The following SMAP2 variants were observed in gnomAD, a reference collection of about 807,000 sequenced individuals.
SMAP2 encodes stromal membrane-associated protein 2.
In SMAP2, 25 loss-of-function variants were observed where a neutral mutation model predicts 56.4. The ratio of observed to expected loss-of-function variants is 0.44; its 90% CI spans 0.32 to 0.62. SMAP2 has a LOEUF of 0.62. SMAP2 is among the 20% of genes least tolerant of loss of function. The pLI is 0.04. For missense variants in SMAP2, 388 were observed against 545.6 expected (o/e 0.71, Z 2.88); for synonymous variants, 157 against 181.7 (o/e 0.86, Z 1.09).
At chr1:40,359,059 G>A (rs1025621876) in intron 1 of SMAP2, among the ~76,000 whole-genome samples, 1 of 151,938 alleles carries the variant, frequency 6.6e-6, no homozygotes, top group African/African-American at 2.4e-5. Context: ...TCATTGACAT[G>A]GAATATCTTT....
intron 1 of SMAP2, among the ~76,000 whole-genome samples, chr1:40,356,421 T>C (rs1220985460): frequency 4.0e-5 from 6 of 150,952 alleles, no homozygotes; most frequent in Admixed American, 4.0e-4. Flanking sequence ...TTTTGTTTTT[T>C]TTTTTTTGAG....
At chr1:40,388,220 A>G (rs113264016) in intron 1 of SMAP2, among the ~76,000 whole-genome samples, 3,697 of 152,228 alleles carry the variant, frequency 0.024, 60 homozygotes, top group African/African-American at 0.044. Flanking sequence ...CAACCACCCA[A>G]GGGCTGAGGT....
Position 40,407,936 on chromosome 1 carries a change from C to T in SMAP2, c.238-717C>T, listed in dbSNP as rs796542348. On this transcript the variant is annotated intron_variant, in intron 2 of 9. Coordinates refer to ENST00000372718, the MANE Select transcript of SMAP2 (RefSeq NM_022733.3). ...ATATAGCTTCATTATTTTTTATTCT[C>T]TTCCTACATTGAAACGCTTTAATTT... is the stretch of plus-strand genomic sequence containing the variant. Among the ~76,000 whole-genome samples, 32 of 152,232 alleles carry T rather than the reference C, an allele frequency of 2.1e-4. 3 individuals carry two copies. In the South Asian group the frequency reaches 6.2e-3, roughly 30 times the overall value.
intron 1 of SMAP2, among the ~76,000 whole-genome samples, chr1:40,400,649 TGAA>T (rs151157630): frequency 0.016 from 2,423 of 152,186 alleles, 29 homozygotes; most frequent in East Asian, 0.039. Flanking sequence ...TTGACTAAGA[TGAA>T]GAAAAAAGGA....
chr1:40,411,715 ACTATT>A (rs1644937424), intron 4 of SMAP2, among the ~76,000 whole-genome samples: 1 of 152,234 alleles, frequency 6.6e-6, no homozygotes. Context: ...TTTGTTAAAA[ACTATT>A]CTTTTTATAA....
intron 1 of SMAP2, among the ~76,000 whole-genome samples, chr1:40,397,999 A>G (rs571458067): frequency 6.6e-6 from 1 of 152,230 alleles, no homozygotes; most frequent in South Asian, 2.1e-4. Context: ...TATGTTAAGG[A>G]GTTTCAACTT....
intron 1 of SMAP2, among the ~76,000 whole-genome samples, chr1:40,381,161 C>T (rs771232618): frequency 7.2e-5 from 11 of 152,122 alleles, no homozygotes; most frequent in African/African-American, 4.8e-5. Flanking sequence ...AGGGGAACTT[C>T]GCAAGCCTGA....
At chr1:40,378,867 A>C (rs1159632025) in intron 1 of SMAP2, among the ~76,000 whole-genome samples, 1 of 152,190 alleles carries the variant, frequency 6.6e-6, no homozygotes, top group African/African-American at 2.4e-5. Context: ...AAAATCCAAA[A>C]GGTCCAAAGG....
intron 1 of SMAP2, among the ~76,000 whole-genome samples, chr1:40,361,721 G>A (rs775620936): frequency 5.5e-4 from 84 of 152,106 alleles, no homozygotes; most frequent in Non-Finnish European, 2.1e-4. Flanking sequence ...GGGCACTGGT[G>A]GCCACAGGGA....
intron 1 of SMAP2, among the ~76,000 whole-genome samples, chr1:40,382,504 GCTTAAATCCTTACCA>G (rs1349078441): frequency 6.6e-6 from 1 of 152,122 alleles, no homozygotes; most frequent in Non-Finnish European, 1.5e-5. Context: ...TATTGTGTCT[GCTTAAATCCTTACCA>G]CAGTTGTACT....
intron 1 of SMAP2, among the ~76,000 whole-genome samples, chr1:40,351,616 G>A (rs921894279): frequency 1.3e-4 from 20 of 152,026 alleles, no homozygotes; most frequent in Non-Finnish European, 1.5e-4. Flanking sequence ...CGATTCTCAC[G>A]CCTCAGCCTC....
At chr1:40,373,475 C>T (rs1644511185), upstream of SMAP2, among the ~76,000 whole-genome samples, 1 of 152,200 alleles carries the variant, frequency 6.6e-6, no homozygotes, top group South Asian at 2.1e-4. Context: ...TAGTTGTTGT[C>T]TTCCTTCACT....
At chr1:40,401,129 C>T (rs139990405) in intron 1 of SMAP2, among the ~76,000 whole-genome samples, 2 of 152,014 alleles carry the variant, frequency 1.3e-5, no homozygotes, top group East Asian at 1.9e-4. Flanking sequence ...CGGGCGTGAT[C>T]GCGGGCGCCT....
intron 1 of SMAP2, among the ~76,000 whole-genome samples, chr1:40,348,285 C>G (rs1456532633): frequency 6.6e-6 from 1 of 152,126 alleles, no homozygotes; most frequent in Admixed American, 6.6e-5. Context: ...CTGAATTGTT[C>G]TCCAGAATTG....
intron 1 of SMAP2, among the ~76,000 whole-genome samples, chr1:40,356,412 T>G (rs897856770): frequency 6.8e-5 from 10 of 147,316 alleles, no homozygotes; most frequent in South Asian, 2.1e-4. Flanking sequence ...TTTGTTTTTT[T>G]TTGTTTTTTT....
intron 1 of SMAP2, among the ~76,000 whole-genome samples, chr1:40,356,398 G>GTTTTTTTTTTTTTTTTTTTTTTTTTTT (rs749954980): frequency 6.8e-6 from 1 of 147,186 alleles, no homozygotes. Context: ...TTTTTTGTGG[G>GTTTTTTTTTTTTTTTTTTTTTTTTTTT]TTTTTTGTTT....
At chr1:40,403,331 C>A (rs1644854396) in intron 1 of SMAP2, among the ~76,000 whole-genome samples, 1 of 152,146 alleles carries the variant, frequency 6.6e-6, no homozygotes, top group East Asian at 1.9e-4. Flanking sequence ...CAAGGCGAAA[C>A]CCCGTCTCTA....
chr1:40,356,387 G>GT (rs1043317934), intron 1 of SMAP2, among the ~76,000 whole-genome samples: 109 of 148,664 alleles, frequency 7.3e-4, no homozygotes, highest in African/African-American at 2.6e-3. Context: ...TCTATTTTTA[G>GT]TTTTTTGTGG....
intron 1 of SMAP2, among the ~76,000 whole-genome samples, chr1:40,360,125 G>A (rs1157630031): frequency 6.8e-6 from 1 of 146,584 alleles, no homozygotes. Context: ...TCCTGCCTCA[G>A]CCTCCTGAGT....
Sources: allele counts gnomAD v4.1 joint callset (sites outside exome capture counted in the v4.1 genomes callset), GRCh38; gene constraint gnomAD v4.1.1; transcripts MANE v1.5; gene names NCBI Gene and HGNC (gene_info 2026-07-23, HGNC 2026-07-21).